The following DNAH8 variants were observed in gnomAD, a reference collection of about 807,000 sequenced individuals.
The protein encoded by DNAH8 is dynein axonemal heavy chain 8, also known as axonemal beta dynein heavy chain 8.
In DNAH8, 382 loss-of-function variants were observed where a neutral mutation model predicts 562.1. That is an observed-to-expected ratio of 0.68 (90% confidence interval 0.63 to 0.74). The LOEUF is 0.74. Among genes scored for constraint, DNAH8 ranks in the 30% least tolerant of loss-of-function variants. The pLI, the probability that DNAH8 is intolerant of heterozygous loss-of-function variation, is 0.00. For missense variants in DNAH8, 5,203 were observed against 5,620.4 expected (o/e 0.93, Z 2.37); for synonymous variants, 1,881 against 1,919.4 (o/e 0.98, Z 0.52).
At chr6:38,855,651 A>G (rs1386504368) in intron 41 of DNAH8, among the ~76,000 whole-genome samples, 1 of 152,142 alleles carries the variant, frequency 6.6e-6, no homozygotes, top group Non-Finnish European at 1.5e-5. Flanking sequence ...GGAACATTCA[A>G]TATCCTCCTT....
At chr6:38,755,395 T>C (rs139391839) in intron 9 of DNAH8, among the ~76,000 whole-genome samples, 3 of 152,292 alleles carry the variant, frequency 2.0e-5, no homozygotes, top group South Asian at 2.1e-4. Flanking sequence ...TTTCTACTTG[T>C]TTTACTTGTT....
At chr6:38,743,638 C>T (rs183588255) in intron 8 of DNAH8, among the ~76,000 whole-genome samples, 9 of 152,220 alleles carry the variant, frequency 5.9e-5, no homozygotes, top group African/African-American at 1.4e-4. Flanking sequence ...CTTTGCCTTT[C>T]GTTACTGGTT....
intron 9 of DNAH8, among the ~76,000 whole-genome samples, chr6:38,751,223 T>A (rs72858286): frequency 0.18 from 27,975 of 152,200 alleles, 3,358 homozygotes; most frequent in Non-Finnish European, 0.27. Flanking sequence ...CCCAGTCCCT[T>A]GCCACGTGGG....
At chr6:38,942,984 A>G (rs1783584382) in intron 79 of DNAH8, among the ~76,000 whole-genome samples, 1 of 152,232 alleles carries the variant, frequency 6.6e-6, no homozygotes, top group Admixed American at 6.5e-5. Flanking sequence ...TTACAGAAAA[A>G]TAAAGAAGGC....
At position 38,867,942 on chromosome 6, in the gene DNAH8, T is replaced by G. The variant is rs185219366; in HGVS notation, c.6694-120T>G. The G allele has an allele frequency of 4.1e-4, 391 of 950,734 alleles. 2 individuals carry two copies. The East Asian group carries it at 6.7e-3, about 16-fold the overall frequency. 58.9% of individuals were successfully genotyped at this position (950,734 alleles called of 1,614,324 possible). A position where few individuals can be genotyped will look rare whatever the true frequency, so the allele number is the denominator to read the frequency against. ...GTTGAGCTAATAAACCTTTGTGGCT[T>G]AGTCACCCCAAAACTATCCCATATA... On this transcript the variant is annotated intron_variant, in intron 47 of 92. Transcript: ENST00000327475.
At chr6:38,962,545 G>C (rs1020529210) in intron 82 of DNAH8, among the ~76,000 whole-genome samples, 6 of 152,146 alleles carry the variant, frequency 3.9e-5, no homozygotes, top group African/African-American at 7.2e-5. Context: ...AAGTGGGTTA[G>C]ACAGTAAACA....
rs117002591 is a variant in DNAH8, at chr6:38,975,294, A to G, written c.12834+765A>G. On this transcript the variant is annotated intron_variant, in intron 85 of 92. Coordinates refer to ENST00000327475, the MANE Select transcript of DNAH8 (RefSeq NM_001206927.2). ...TGTAATTCAAAAGCTATACATTTTC[A>G]ATGCACTGGATCCATTCCTTGATTT... Among the ~76,000 whole-genome samples the G allele has an allele frequency of 2.7e-3, 410 of 152,360 alleles. 9 individuals carry two copies. The East Asian group carries it at 0.049, about 18-fold the overall frequency.
chr6:39,026,922 T>C (rs1767329518), intron 92 of DNAH8, among the ~76,000 whole-genome samples: 1 of 152,224 alleles, frequency 6.6e-6, no homozygotes, highest in Admixed American at 6.5e-5. Context: ...CACTTGTGTT[T>C]GCTAAAAAGG....
chr6:38,841,239 T>C (rs1738191), intron 33 of DNAH8, among the ~76,000 whole-genome samples: 32,157 of 151,868 alleles, frequency 0.21, 4,270 homozygotes, highest in African/African-American at 0.37. Context: ...GCTAACATGA[T>C]GAGACCTCAT....
chr6:38,964,382 C>T (rs749945094), intron 82 of DNAH8, among the ~76,000 whole-genome samples: 91 of 86,750 alleles, frequency 1.0e-3, no homozygotes, highest in African/African-American at 5.0e-3. Flanking sequence ...CCCTCCCGGA[C>T]GGGGCGGCTG....
intron 74 of DNAH8, 176 bp from the exon 75 acceptor site, chr6:38,929,335 C>A: frequency 3.5e-6 from 2 of 571,052 alleles, no homozygotes; most frequent in Non-Finnish European, 5.8e-6. Flanking sequence ...TCAACAAAAT[C>A]ATGACTCACC....
intron 7 of DNAH8, among the ~76,000 whole-genome samples, chr6:38,738,779 G>A (rs553830434): frequency 6.6e-6 from 1 of 152,204 alleles, no homozygotes; most frequent in South Asian, 2.1e-4. Flanking sequence ...ACTCCCCTAG[G>A]GTCTAGAGTG....
At chr6:38,793,456 CT>C (rs1238045161) in intron 21 of DNAH8, among the ~76,000 whole-genome samples, 1 of 152,048 alleles carries the variant, frequency 6.6e-6, no homozygotes, top group Non-Finnish European at 1.5e-5. Context: ...ATTATACCAG[CT>C]TTTTTCAGGT....
Position 38,973,551 on chromosome 6 carries a change from G to C in DNAH8, c.12526-110G>C, listed in dbSNP as rs555558058. 25 of 779,272 alleles carry C rather than the reference G, an allele frequency of 3.2e-5. 1 individual carries two copies. The East Asian group carries it at 7.4e-4, about 23-fold the overall frequency. The allele number at this position is 779,272 out of a possible 1,614,324, so 48.3% of individuals were successfully genotyped here. A position where few individuals can be genotyped will look rare whatever the true frequency, so the allele number is the denominator to read the frequency against. On this transcript the variant is annotated intron_variant, in intron 83 of 92. Coordinates refer to ENST00000327475, the MANE Select transcript of DNAH8 (RefSeq NM_001206927.2). ...ATTGACATATAATTTTTAAAAATGT[G>C]TTCAAAACAGAGTATTCACATGGTT...
chr6:38,872,293 G>T (rs1252697674), intron 49 of DNAH8, among the ~76,000 whole-genome samples: 1 of 152,200 alleles, frequency 6.6e-6, no homozygotes, highest in African/African-American at 2.4e-5. Flanking sequence ...TAGATGCTGA[G>T]TTAATTATTT....
chr6:38,998,108 C>CGAGAA (rs1765262245), intron 88 of DNAH8, among the ~76,000 whole-genome samples: 1 of 152,118 alleles, frequency 6.6e-6, no homozygotes, highest in African/African-American at 2.4e-5. Context: ...CTCGATGCCC[C>CGAGAA]CTGTTTATTG....
At chr6:38,968,188 A>C (rs976290645) in intron 82 of DNAH8, among the ~76,000 whole-genome samples, 8 of 152,226 alleles carry the variant, frequency 5.3e-5, no homozygotes, top group African/African-American at 1.9e-4. Context: ...AAACCATAAC[A>C]TACTTAGTAA....
chr6:38,913,829 A>G lies in DNAH8; in HGVS notation c.9860-20A>G, dbSNP rs143220839. 4.0e-5 allele frequency: 62 copies of G among 1,555,790 alleles called. No homozygotes were observed. In the East Asian group the frequency reaches 4.3e-4, roughly 11 times the overall value. On this transcript the variant is annotated intron_variant, in intron 66 of 92. Transcript: ENST00000327475. ...ATATACCTGTACTCAGTAAAGGTAT[A>G]TATGTGTGTATTTGTAAAGGTCTTG...
chr6:38,885,923 CAG>C (rs1392694319), intron 56 of DNAH8, among the ~76,000 whole-genome samples: 1 of 152,126 alleles, frequency 6.6e-6, no homozygotes, highest in Non-Finnish European at 1.5e-5. Flanking sequence ...TTCATGAGGA[CAG>C]AAAATTTTGT....
Sources: gnomAD v4.1 joint callset for allele counts (sites outside exome capture counted in the v4.1 genomes callset) on GRCh38, gnomAD v4.1.1 for gene constraint, MANE v1.5 for transcripts, NCBI Gene and HGNC (gene_info 2026-07-23, HGNC 2026-07-21) for gene names.